DNM2: variants seen among roughly 807,000 people sequenced by gnomAD.
DNM2 encodes the protein dynamin 2.
In DNM2, 15 loss-of-function variants were observed where a neutral mutation model predicts 99.0. The observed-to-expected ratio is 0.15, with a 90% CI of 0.10 to 0.23. The LOEUF is 0.23. Among genes scored for constraint, DNM2 ranks in the 10% least tolerant of loss-of-function variants. DNM2 has a pLI of 1.00. For missense variants in DNM2, 742 were observed against 1,189.4 expected (o/e 0.62, Z 5.53); for synonymous variants, 525 against 481.2 (o/e 1.09, Z -1.19).
At chr19:10,725,986 C>T (rs1212713944) in intron 1 of DNM2, among the ~76,000 whole-genome samples, 8 of 151,942 alleles carry the variant, frequency 5.3e-5, no homozygotes, top group African/African-American at 1.5e-4. Context: ...TTGGGGAGGC[C>T]GAGGCGGGCG....
At chr19:10,827,785 C>G (rs1488767752) in intron 18 of DNM2, among the ~76,000 whole-genome samples, 1 of 151,808 alleles carries the variant, frequency 6.6e-6, no homozygotes, top group Non-Finnish European at 1.5e-5. Context: ...AGGAGAATCA[C>G]TTGAACCTAG....
At chr19:10,739,658 C>G (rs1719491389) in intron 1 of DNM2, among the ~76,000 whole-genome samples, 1 of 152,020 alleles carries the variant, frequency 6.6e-6, no homozygotes, top group South Asian at 2.1e-4. Flanking sequence ...ATTGATGAGA[C>G]CAGCCTGCCC....
chr19:10,783,711 T>TTA (rs979481440), intron 6 of DNM2, among the ~76,000 whole-genome samples: 9 of 150,552 alleles, frequency 6.0e-5, no homozygotes, highest in Non-Finnish European at 1.0e-4. Context: ...TATTATTTTT[T>TTA]ATTTTTGGAG....
At chr19:10,780,263 G>A (rs1179006925) in intron 5 of DNM2, 1 of 153,516 alleles carries the variant, frequency 6.5e-6, no homozygotes, top group East Asian at 1.9e-4. Flanking sequence ...GTGGCTGGCT[G>A]AGGTTTGGGG....
intron 5 of DNM2, among the ~76,000 whole-genome samples, chr19:10,779,502 C>CTTTCTTTCTTTTT (rs1290878626): frequency 3.4e-5 from 1 of 29,602 alleles, no homozygotes; most frequent in African/African-American, 1.4e-4. Context: ...TTCTTTCTTT[C>CTTTCTTTCTTTTT]TTTTTTTTTT....
intron 2 of DNM2, among the ~76,000 whole-genome samples, chr19:10,766,777 G>A (rs2070811293): frequency 6.6e-6 from 1 of 152,102 alleles, no homozygotes; most frequent in African/African-American, 2.4e-5. Context: ...GAGGACGGCT[G>A]ACTCCCTGGC....
At chr19:10,738,596 TCACGC>T (rs1193185512) in intron 1 of DNM2, among the ~76,000 whole-genome samples, 1 of 152,192 alleles carries the variant, frequency 6.6e-6, no homozygotes, top group Non-Finnish European at 1.5e-5. Flanking sequence ...GTGTGGTGGC[TCACGC>T]CTGTGATCCC....
At chr19:10,740,381 G>GT (rs1249729527) in intron 1 of DNM2, among the ~76,000 whole-genome samples, 5,706 of 140,852 alleles carry the variant, frequency 0.041, 345 homozygotes, top group African/African-American at 0.13. Flanking sequence ...TCTTTTTTTT[G>GT]TTTTTTTTTT....
chr19:10,759,152 T>A (rs959269724), intron 1 of DNM2, among the ~76,000 whole-genome samples: 1 of 152,170 alleles, frequency 6.6e-6, no homozygotes, highest in Admixed American at 6.5e-5. Flanking sequence ...AGAGATGGGG[T>A]CTTACTATCT....
chr19:10,809,988 T>G (rs879679186), intron 14 of DNM2: 1 of 152,362 alleles, frequency 6.6e-6, no homozygotes, highest in Non-Finnish European at 1.5e-5. Context: ...GCTTCTCCCT[T>G]GTACCCCAAG....
At chr19:10,807,396 C>T (rs1169477011) in intron 13 of DNM2, among the ~76,000 whole-genome samples, 1 of 151,942 alleles carries the variant, frequency 6.6e-6, no homozygotes, top group South Asian at 2.1e-4. Context: ...CCCGCCAGCA[C>T]GCCCAGCTAA....
At chr19:10,756,823 C>T (rs1424423715) in intron 1 of DNM2, among the ~76,000 whole-genome samples, 1 of 152,046 alleles carries the variant, frequency 6.6e-6, no homozygotes, top group Non-Finnish European at 1.5e-5. Flanking sequence ...CTGGAATCTG[C>T]CTACGGCCTG....
chr19:10,767,218 TAA>T (rs5827112), intron 2 of DNM2, among the ~76,000 whole-genome samples: 1 of 142,810 alleles, frequency 7.0e-6, no homozygotes, highest in Non-Finnish European at 1.5e-5. Flanking sequence ...AGTGGATTGT[TAA>T]AAAAAAAAAA....
intron 14 of DNM2, 142 bp downstream of exon 14, chr19:10,808,722 C>A: frequency 1.9e-6 from 2 of 1,048,796 alleles, no homozygotes; most frequent in Non-Finnish European, 2.8e-6. Context: ...AACCCCATGC[C>A]GCAGCCGGCG....
At position 10,797,375 on chromosome 19, in the gene DNM2, C is replaced by A; in HGVS notation, c.1197-5C>A. 6.2e-7 allele frequency: 1 copy of A among 1,612,372 alleles called. No individual in the cohort carries two copies. The highest frequency in any genetic ancestry group is 8.5e-7 in the Non-Finnish European group (1 of 1,179,956). On this transcript the variant is annotated splice_region_variant and splice_polypyrimidine_tract_variant and intron_variant, in intron 9 of 20. Transcript: ENST00000389253. ...CTGCCTCATCCTGCCCTCCGCATGA[C>A]CCAGGACGGGGCTCTTCACCCCCGA...
chr19:10,800,909 G>T (rs1316498510), intron 11 of DNM2, among the ~76,000 whole-genome samples: 1 of 152,268 alleles, frequency 6.6e-6, no homozygotes, highest in Non-Finnish European at 1.5e-5. Flanking sequence ...GCGTGTGTGT[G>T]TGTGCGCGCG....
chr19:10,731,552 C>T (rs2069319098), intron 1 of DNM2, among the ~76,000 whole-genome samples: 1 of 152,108 alleles, frequency 6.6e-6, no homozygotes, highest in Non-Finnish European at 1.5e-5. Context: ...TGGGGTTTTG[C>T]CATGTTGGCC....
At chr19:10,722,463 G>A (rs2068970119) in intron 1 of DNM2, among the ~76,000 whole-genome samples, 3 of 152,150 alleles carry the variant, frequency 2.0e-5, no homozygotes, top group Non-Finnish European at 4.4e-5. Flanking sequence ...CCGCACCCTA[G>A]CCTCCCGAGT....
chr19:10,813,433 T>C (rs2072623772), intron 15 of DNM2, among the ~76,000 whole-genome samples: 1 of 152,230 alleles, frequency 6.6e-6, no homozygotes, highest in African/African-American at 2.4e-5. Flanking sequence ...GTACAGAGTA[T>C]GTAATGATCA....
Sources: allele counts gnomAD v4.1 joint callset (sites outside exome capture counted in the v4.1 genomes callset), GRCh38; gene constraint gnomAD v4.1.1; transcripts MANE v1.5; gene names NCBI Gene and HGNC (gene_info 2026-07-23, HGNC 2026-07-21).